Variants in SUCO observed in about 807,000 individuals in gnomAD.
SUCO encodes the protein SUN domain-containing ossification factor.
In SUCO, 57 loss-of-function variants were observed where a neutral mutation model predicts 148.1. That is an observed-to-expected ratio of 0.38 (90% CI 0.31 to 0.48). The LOEUF (loss-of-function observed/expected upper bound fraction) is 0.48, where lower values mean the gene tolerates loss of function less well. Among genes scored for constraint, SUCO ranks in the 20% least tolerant of loss-of-function variants. The pLI is 0.96. For synonymous variants in SUCO, 470 were observed against 502.7 expected, an observed-to-expected ratio of 0.93 and a Z score of 0.87; for missense variants, 1,331 against 1,468.2, an observed-to-expected ratio of 0.91 and a Z score of 1.53.
rs1433073523 is a variant in SUCO, at chr1:172,555,855, G to GT, written c.289-7dup. ...TCTCAACATTTAATTTAGCTGACTT[G>GT]TTTTTTTAAACAGAATACAGAGTCA... On this transcript the variant is annotated splice_polypyrimidine_tract_variant and intron_variant, in intron 3 of 23. Coordinates refer to ENST00000263688, the MANE Select transcript of SUCO (RefSeq NM_014283.5). 1.5e-5 allele frequency: 24 copies of GT among 1,573,746 alleles called. No individual in the cohort carries two copies. The highest frequency in any genetic ancestry group is 2.0e-5 in the Non-Finnish European group (23 of 1,158,980).
chr1:172,562,477 G>A (rs530392139), intron 6 of SUCO, among the ~76,000 whole-genome samples: 21 of 152,122 alleles, frequency 1.4e-4, no homozygotes, highest in South Asian at 6.2e-4. Context: ...GACTACAGGC[G>A]TGCACCACCA....
Position 172,555,929 on chromosome 1 carries a change from C to T in SUCO, c.349C>T (p.His117Tyr), listed in dbSNP as rs779339030. The change falls in exon 4 of 24, where the codon CAT becomes TAT. Residue 117 changes from histidine (H) to tyrosine (Y), a missense_variant. This residue lies in a region of SUCO where 992 missense variants were observed against 1,093.5 expected (regional missense o/e 0.91). Coordinates refer to ENST00000263688, the MANE Select transcript of SUCO (RefSeq NM_014283.5). ...VVETLPTVDL[H>Y]EESSNAVVDS... is the part of the protein sequence containing the mutation. ...GGAGACACTCCCTACAGTTGATTTG[C>T]ATGAAGAGTCTTCCAATGCAGTTGT... The T allele has an allele frequency of 1.1e-5, 18 of 1,613,110 alleles. No homozygotes were observed. Among genetic ancestry groups the T allele is most frequent in the Middle Eastern group, 1.7e-4 (1 of 6,058 alleles).
chr1:172,596,772 A>T (rs914276791), intron 19 of SUCO, among the ~76,000 whole-genome samples: 1 of 152,108 alleles, frequency 6.6e-6, no homozygotes, highest in Non-Finnish European at 1.5e-5. Context: ...TCATTCTCAG[A>T]TCTCAAACTC....
chr1:172,557,541 C>G, intron 5 of SUCO, 103 bp from the exon 6 acceptor site: 1 of 1,483,106 alleles, frequency 6.7e-7, no homozygotes, highest in Non-Finnish European at 9.1e-7. Flanking sequence ...CTTTGTGTTT[C>G]TTCCTTGGTT....
intron 13 of SUCO, 90 bp downstream of exon 13, chr1:172,577,909 C>A: frequency 1.0e-6 from 1 of 971,470 alleles, no homozygotes; most frequent in Non-Finnish European, 1.5e-6. Flanking sequence ...ATAATTTTCT[C>A]TTACGTGAGT....
chr1:172,533,039 C>G (rs1216180824), upstream of SUCO: 5 of 1,433,052 alleles, frequency 3.5e-6, no homozygotes, highest in South Asian at 7.5e-5. Flanking sequence ...TCCAGCTCAG[C>G]GGTGTGTGAG....
chr1:172,606,940 C>T (rs372992031), intron 22 of SUCO, among the ~76,000 whole-genome samples: 1 of 151,872 alleles, frequency 6.6e-6, no homozygotes, highest in Non-Finnish European at 1.5e-5. Context: ...TCCAGGCCAG[C>T]AGTCTTACTG....
chr1:172,532,906 T>A, upstream of SUCO: 1 of 1,414,690 alleles, frequency 7.1e-7, no homozygotes, highest in Non-Finnish European at 9.4e-7. Flanking sequence ...GGCGAGAGCA[T>A]CTGCTCCTGC....
chr1:172,592,027 C>T (rs552797963), intron 19 of SUCO, among the ~76,000 whole-genome samples: 17 of 152,176 alleles, frequency 1.1e-4, no homozygotes, highest in Non-Finnish European at 2.1e-4. Context: ...TCTCTGATGA[C>T]CAGTGATGAT....
intron 15 of SUCO, among the ~76,000 whole-genome samples, chr1:172,583,505 AG>A (rs1313913092): frequency 6.6e-6 from 1 of 152,106 alleles, no homozygotes; most frequent in East Asian, 1.9e-4. Flanking sequence ...CCCATCCTGA[AG>A]CATATATTTA....
chr1:172,570,996 G>A (rs949022903), intron 9 of SUCO, among the ~76,000 whole-genome samples: 8 of 152,208 alleles, frequency 5.3e-5, no homozygotes, highest in East Asian at 3.8e-4. Flanking sequence ...GTGATGATGC[G>A]TAACTGCAAG....
chr1:172,538,378 C>A (rs1269358326), intron 1 of SUCO, among the ~76,000 whole-genome samples: 1 of 152,100 alleles, frequency 6.6e-6, no homozygotes, highest in Admixed American at 6.6e-5. Flanking sequence ...CTTTTTCTCT[C>A]ATGATTGCTG....
chr1:172,540,576 A>G (rs1652377311), intron 1 of SUCO, among the ~76,000 whole-genome samples: 2 of 152,220 alleles, frequency 1.3e-5, no homozygotes. Flanking sequence ...ACTGAACTGC[A>G]TAGTAAGTGC....
At position 172,576,021 on chromosome 1, in the gene SUCO, C is replaced by T. The variant is rs543425181; in HGVS notation, c.1263+398C>T. On this transcript the variant is annotated intron_variant, in intron 11 of 23. Transcript: ENST00000263688. ...GATTCTTAGACCATTTCATCTTTAACGTCCACTTATTTGGCATTGTTACAG... is the reference window on the plus strand; with the variant it reads ...GATTCTTAGACCATTTCATCTTTAATGTCCACTTATTTGGCATTGTTACAG... Among the ~76,000 whole-genome samples, 83 of 151,952 alleles carry T rather than the reference C, an allele frequency of 5.5e-4. 1 individual carries two copies. In the South Asian group the frequency reaches 0.011, roughly 20 times the overall value.
intron 17 of SUCO, among the ~76,000 whole-genome samples, chr1:172,586,925 A>G (rs945927122): frequency 1.3e-5 from 2 of 152,162 alleles, no homozygotes; most frequent in African/African-American, 2.4e-5. Flanking sequence ...AAAAGGACCT[A>G]AGAAATCTAT....
chr1:172,551,550 C>T lies in SUCO; in HGVS notation c.101C>T (p.Ser34Leu), dbSNP rs1271277493. The stretch of plus-strand genomic sequence containing the variant: ...CGTGTATGTTGTAAAGAGAGTTCTT[C>T]AGCTTCAGCGTCATCATATTACTCT... ...SWRVCCKESS[S>L]ASASSYYSQD... is the part of the protein sequence containing the mutation. The change falls in exon 2 of 24, where the codon TCA becomes TTA. Residue 34 changes from serine to leucine, a missense_variant. By Grantham distance (145) the Ser-to-Leu change is moderately radical (BLOSUM62 -2). Around this residue, in one of 3 missense-constraint regions of SUCO, gnomAD observed 992 missense variants for 1,093.5 expected, o/e 0.91. Transcript: ENST00000263688. 1.9e-6 allele frequency: 3 copies of T among 1,610,656 alleles called. No homozygotes were observed. Among genetic ancestry groups the T allele is most frequent in the Non-Finnish European group, 2.5e-6 (3 of 1,178,282 alleles).
intron 6 of SUCO, among the ~76,000 whole-genome samples, chr1:172,567,186 C>G (rs368468273): frequency 5.3e-5 from 8 of 152,216 alleles, no homozygotes; most frequent in African/African-American, 1.9e-4. Flanking sequence ...TGCTCAAAAG[C>G]ATGCTCTTAT....
chr1:172,597,323 C>T (rs1431428700), intron 19 of SUCO, among the ~76,000 whole-genome samples: 1 of 152,228 alleles, frequency 6.6e-6, no homozygotes, highest in Non-Finnish European at 1.5e-5. Flanking sequence ...GAACCCAGTA[C>T]CTCAGTTGGT....
intron 1 of SUCO, among the ~76,000 whole-genome samples, chr1:172,539,336 A>G (rs1652266096): frequency 6.6e-6 from 1 of 152,192 alleles, no homozygotes; most frequent in Non-Finnish European, 1.5e-5. Context: ...TTTAGATTAT[A>G]CTTTAGTGCC....
Sources: allele counts gnomAD v4.1 joint callset (sites outside exome capture counted in the v4.1 genomes callset), GRCh38; gene constraint gnomAD v4.1.1; regional missense constraint gnomAD v4.1.1; transcripts MANE v1.5; gene names NCBI Gene and HGNC (gene_info 2026-07-23, HGNC 2026-07-21).